Variants in ZNF362 observed in about 807,000 individuals in gnomAD.
ZNF362 encodes rotund homolog.
ZNF362 carries 11 observed loss-of-function variants against 42.9 expected under a neutral mutation model. The observed-to-expected ratio is 0.26, with a 90% CI of 0.16 to 0.42. The LOEUF is 0.42. Ranked by LOEUF, ZNF362 falls within the 20% of genes least tolerant of loss-of-function variation. The pLI, the probability that ZNF362 is intolerant of heterozygous loss-of-function variation, is 1.00. For missense variants in ZNF362, 362 were observed against 576.2 expected (o/e 0.63, Z 3.81); for synonymous variants, 255 against 257.3 (o/e 0.99, Z 0.09).
At chr1:33,211,399 G>A in the ZNF362 span, among the ~76,000 whole-genome samples, 1 of 152,112 alleles carries the variant, frequency 6.6e-6, no homozygotes, top group African/African-American at 2.4e-5. Context: ...CATGTTTAGT[G>A]CTTCCTTCAG....
chr1:33,272,548 C>T (rs770124792), intron 2 of ZNF362, among the ~76,000 whole-genome samples: 7 of 152,142 alleles, frequency 4.6e-5, no homozygotes, highest in Non-Finnish European at 8.8e-5. Context: ...AAGGATCAGC[C>T]CTGTGTCTTG....
the ZNF362 span, among the ~76,000 whole-genome samples, chr1:33,243,628 G>T: frequency 2.7e-5 from 4 of 149,790 alleles, no homozygotes; most frequent in South Asian, 8.5e-4. Context: ...ACGGAGTCTC[G>T]CTCTGTCGCC....
At chr1:33,171,927 G>T in the ZNF362 span, among the ~76,000 whole-genome samples, 4 of 152,056 alleles carry the variant, frequency 2.6e-5, no homozygotes, top group African/African-American at 7.2e-5. Flanking sequence ...GATTATAGGC[G>T]CCCGACACCA....
the ZNF362 span, among the ~76,000 whole-genome samples, chr1:33,172,356 G>T: frequency 2.0e-5 from 3 of 152,164 alleles, no homozygotes; most frequent in African/African-American, 7.2e-5. Flanking sequence ...GGGAGAACAG[G>T]TTGGGTAGGG....
intron 1 of ZNF362, 87 bp downstream of exon 1, chr1:33,256,741 G>T: frequency 6.9e-6 from 1 of 145,844 alleles, no homozygotes; most frequent in South Asian, 2.0e-4. Context: ...TTGCGGGCGG[G>T]GGCCGGGCCG....
At chr1:33,147,355 C>A in the ZNF362 span, 1 of 1,614,200 alleles carries the variant, frequency 6.2e-7, no homozygotes. The surrounding 1 kb of genome is among the most constrained non-coding windows in gnomAD (Gnocchi z 8.1). Flanking sequence ...CAGGAAGACA[C>A]CCACCTTGTC....
chr1:33,199,323 AT>A, the ZNF362 span, among the ~76,000 whole-genome samples: 140,912 of 152,018 alleles, frequency 0.93, 65,809 homozygotes, highest in South Asian at 0.98. Flanking sequence ...ATGACAGTAG[AT>A]TTTTTTTTAT....
chr1:33,281,687 A>G lies in ZNF362; in HGVS notation c.784A>G (p.Lys262Glu). The G allele has an allele frequency of 1.2e-6, 2 of 1,614,200 alleles. No individual in the cohort carries two copies. The highest frequency in any genetic ancestry group is 1.7e-6 in the Non-Finnish European group (2 of 1,180,030). The part of the protein sequence containing the change: ...AKPHKCPHCS[K>E]SFANASYLAQ... ...GCCCCACAAGTGCCCGCACTGCTCC[A>G]AGTCCTTTGCCAACGCCTCCTACCT... Residue 262 changes from lysine (K) to glutamate (E), a missense_variant, in exon 6 of 9, where the codon AAG becomes GAG. By Grantham distance (56) the Lys-to-Glu change is moderately conservative (BLOSUM62 1). This residue lies in a region of ZNF362 where 266 missense variants were observed against 365.4 expected (regional missense o/e 0.73). Transcript: ENST00000539719. The surrounding 1 kb of genome is among the most constrained non-coding windows in gnomAD (Gnocchi z 4.8).
At chr1:33,181,556 G>A in the ZNF362 span, 1 of 1,417,892 alleles carries the variant, frequency 7.1e-7, no homozygotes, top group Non-Finnish European at 9.1e-7. The surrounding 1 kb of genome is among the most constrained non-coding windows in gnomAD (Gnocchi z 6.5). Context: ...AGGGGTAGGA[G>A]CTACCGGAGA....
the ZNF362 span, among the ~76,000 whole-genome samples, chr1:33,234,743 G>A: frequency 1.3e-5 from 2 of 152,190 alleles, no homozygotes; most frequent in African/African-American, 4.8e-5. Flanking sequence ...GCACCTTTCA[G>A]GGCAGCATTG....
At chr1:33,250,846 A>G in the ZNF362 span, among the ~76,000 whole-genome samples, 579 of 90,196 alleles carry the variant, frequency 6.4e-3, no homozygotes, top group African/African-American at 0.018. Flanking sequence ...AAGAAAGAAG[A>G]AAGAAGGAAG....
At chr1:33,275,457 C>A in intron 2 of ZNF362, 1 of 906,468 alleles carries the variant, frequency 1.1e-6, no homozygotes, top group Non-Finnish European at 1.3e-6. Flanking sequence ...TCAGATGTTG[C>A]ACGTGACATT....
chr1:33,232,112 G>A, the ZNF362 span, among the ~76,000 whole-genome samples: 3 of 152,204 alleles, frequency 2.0e-5, no homozygotes, highest in East Asian at 1.9e-4. Context: ...CATGAGTCAC[G>A]ATTGGTCTAA....
At chr1:33,213,254 A>G in the ZNF362 span, among the ~76,000 whole-genome samples, 1 of 152,064 alleles carries the variant, frequency 6.6e-6, no homozygotes, top group African/African-American at 2.4e-5. Context: ...TCAGCCTCCT[A>G]AAGTGCTGAG....
the ZNF362 span, among the ~76,000 whole-genome samples, chr1:33,160,695 G>C: frequency 6.6e-6 from 1 of 152,156 alleles, no homozygotes; most frequent in South Asian, 2.1e-4. Context: ...GTGAGCCATC[G>C]TGCCCGGCTG....
chr1:33,188,155 AC>A, the ZNF362 span, among the ~76,000 whole-genome samples: 8 of 152,098 alleles, frequency 5.3e-5, no homozygotes, highest in African/African-American at 1.9e-4. Flanking sequence ...AATCCCTTGA[AC>A]CCAGGAGGCA....
At chr1:33,261,716 C>T (rs376911176) in intron 1 of ZNF362, 16 of 152,206 alleles carry the variant, frequency 1.1e-4, no homozygotes, top group East Asian at 3.8e-4. Context: ...CATGTGAGAT[C>T]TAAAATCATG....
the ZNF362 span, among the ~76,000 whole-genome samples, chr1:33,187,374 A>C: frequency 2.6e-5 from 4 of 152,222 alleles, no homozygotes; most frequent in African/African-American, 9.6e-5. Context: ...CTGCTCAGAT[A>C]AACTTGCATT....
chr1:33,175,206 AT>A, the ZNF362 span, among the ~76,000 whole-genome samples: 19,214 of 142,314 alleles, frequency 0.14, 2,467 homozygotes, highest in African/African-American at 0.34. Flanking sequence ...TGCCCAGCTA[AT>A]TTTTTTTTTT....
Sources: allele counts gnomAD v4.1 joint callset (sites outside exome capture counted in the v4.1 genomes callset), GRCh38; gene constraint gnomAD v4.1.1; regional missense constraint gnomAD v4.1.1; non-coding constraint Gnocchi (gnomAD v3.1); transcripts MANE v1.5; gene names NCBI Gene and HGNC (gene_info 2026-07-23, HGNC 2026-07-21).